SLC25A21: variants seen among roughly 807,000 people sequenced by gnomAD.
SLC25A21 encodes mitochondrial 2-oxodicarboxylate carrier.
A neutral mutation model predicts 43.8 loss-of-function variants in SLC25A21; 47 were observed. The ratio of observed to expected loss-of-function variants is 1.07; its 90% CI spans 0.85 to 1.37. The LOEUF (loss-of-function observed/expected upper bound fraction) is 1.37. Ranked by LOEUF, SLC25A21 falls within the 40% of genes most tolerant of loss-of-function variation. The pLI, the probability that SLC25A21 is intolerant of heterozygous loss-of-function variation, is 0.00. For missense variants in SLC25A21, 352 were observed against 350.2 expected, an observed-to-expected ratio of 1.00 and a Z score of -0.04; for synonymous variants, 131 against 121.3, an observed-to-expected ratio of 1.08 and a Z score of -0.52.
intron 2 of SLC25A21, among the ~76,000 whole-genome samples, chr14:36,817,373 A>G (rs1888492938): frequency 6.6e-6 from 1 of 152,210 alleles, no homozygotes; most frequent in South Asian, 2.1e-4. Context: ...CCTGGGAGTC[A>G]GAGAGTAAAT....
At position 36,796,952 on chromosome 14, in the gene SLC25A21, A is replaced by G. The variant is rs185195039; in HGVS notation, c.203+16966T>C. On this transcript the variant is annotated intron_variant, in intron 3 of 9. Transcript: ENST00000331299. ...AACCACTCCTTAGCGGCCTTTAACAAGCTGCTTACTTTTTTCCTTCTATCT... is the reference window on the plus strand; with the variant it reads ...AACCACTCCTTAGCGGCCTTTAACAGGCTGCTTACTTTTTTCCTTCTATCT... Among the ~76,000 whole-genome samples, 4 of 152,292 alleles carry G rather than the reference A, an allele frequency of 2.6e-5. No individual in the cohort carries two copies. The East Asian group carries it at 7.7e-4, about 29-fold the overall frequency.
Position 37,057,566 on chromosome 14 carries a change from AT to A in SLC25A21, c.70+114714del, listed in dbSNP as rs1347884251. On this transcript the variant is annotated intron_variant, in intron 1 of 9. Coordinates refer to ENST00000331299, the MANE Select transcript of SLC25A21 (RefSeq NM_030631.4). ...GACATTCAGCAACAGTAATAAAAAA[AT>A]AACAACTTTTAAAAAATAAATGGCT... 6.6e-5 allele frequency among the ~76,000 whole-genome samples: 10 copies of A among 152,362 alleles called. No individual in the cohort carries two copies. In the South Asian group the frequency reaches 2.1e-3, roughly 32 times the overall value.
chr14:36,990,793 AT>A lies in SLC25A21; in HGVS notation c.71-115790del, dbSNP rs1960246249. Among the ~76,000 whole-genome samples the A allele has an allele frequency of 2.6e-5, 4 of 151,910 alleles. No homozygotes were observed. In the South Asian group the frequency reaches 8.3e-4, roughly 32 times the overall value. On this transcript the variant is annotated intron_variant, in intron 1 of 9. Coordinates refer to ENST00000331299, the MANE Select transcript of SLC25A21 (RefSeq NM_030631.4). Reference sequence around the variant, plus strand: ...ATACTTGGTAGGCTGAGGTGGGAAGATTGCTTGAGCCCGGGAGGTCGAGGTT... The same window carrying A: ...ATACTTGGTAGGCTGAGGTGGGAAGATGCTTGAGCCCGGGAGGTCGAGGTT...
chr14:36,883,037 C>A (rs890233143), intron 1 of SLC25A21, among the ~76,000 whole-genome samples: 11 of 152,030 alleles, frequency 7.2e-5, no homozygotes, highest in African/African-American at 2.2e-4. Flanking sequence ...GGTAGCAGGC[C>A]CTTTACAGGT....
chr14:36,999,707 C>G (rs1960446575), intron 1 of SLC25A21, among the ~76,000 whole-genome samples: 1 of 151,692 alleles, frequency 6.6e-6, no homozygotes, highest in South Asian at 2.1e-4. Context: ...TTTTAAAAGC[C>G]TAATTATTGC....
At chr14:36,800,142 A>G (rs1204978320) in intron 3 of SLC25A21, among the ~76,000 whole-genome samples, 5 of 152,212 alleles carry the variant, frequency 3.3e-5, no homozygotes, top group South Asian at 4.2e-4. Flanking sequence ...TTTGAACATA[A>G]TTCTCATAGC....
At chr14:36,877,398 T>C (rs796859116) in intron 1 of SLC25A21, among the ~76,000 whole-genome samples, 3 of 152,342 alleles carry the variant, frequency 2.0e-5, no homozygotes, top group African/African-American at 7.2e-5. Flanking sequence ...AAACAGATAA[T>C]AGATCAGATG....
intron 1 of SLC25A21, among the ~76,000 whole-genome samples, chr14:37,170,444 T>C (rs1328338461): frequency 6.6e-6 from 1 of 152,186 alleles, no homozygotes; most frequent in Non-Finnish European, 1.5e-5. Context: ...GCTTAGGATG[T>C]TAATCAATTG....
intron 1 of SLC25A21, among the ~76,000 whole-genome samples, chr14:36,899,111 T>C (rs944292105): frequency 3.3e-5 from 5 of 152,086 alleles, no homozygotes; most frequent in Non-Finnish European, 5.9e-5. Context: ...AATTTAAGGT[T>C]GGGTATGGTG....
At chr14:36,829,744 C>CA (rs1347294249) in intron 2 of SLC25A21, among the ~76,000 whole-genome samples, 2 of 152,198 alleles carry the variant, frequency 1.3e-5, no homozygotes, top group African/African-American at 4.8e-5. Flanking sequence ...ATAAGGACAT[C>CA]ACGCAAACGT....
intron 3 of SLC25A21, among the ~76,000 whole-genome samples, chr14:36,782,912 C>CCTAATG (rs1216309605): frequency 2.0e-5 from 3 of 147,532 alleles, no homozygotes. Flanking sequence ...TGTAACTAAC[C>CCTAATG]TGCACAATGT....
intron 1 of SLC25A21, among the ~76,000 whole-genome samples, chr14:37,171,452 G>A (rs1964127442): frequency 6.6e-6 from 1 of 151,928 alleles, no homozygotes; most frequent in Non-Finnish European, 1.5e-5. Context: ...TGAAAGAATG[G>A]CTAGATTTAT....
intron 1 of SLC25A21, among the ~76,000 whole-genome samples, chr14:36,893,553 T>A (rs1324324260): frequency 6.6e-6 from 1 of 152,226 alleles, no homozygotes; most frequent in Non-Finnish European, 1.5e-5. Flanking sequence ...TTTAATTAGA[T>A]CCCATTTGTC....
chr14:36,886,486 G>C (rs1890916465), intron 1 of SLC25A21, among the ~76,000 whole-genome samples: 1 of 152,166 alleles, frequency 6.6e-6, no homozygotes. Context: ...TGTCTATAGG[G>C]AATGCAGTTT....
chr14:37,072,138 C>T (rs772071910), intron 1 of SLC25A21, among the ~76,000 whole-genome samples: 21 of 146,048 alleles, frequency 1.4e-4, no homozygotes, highest in Non-Finnish European at 2.7e-4. Context: ...GCCAAGATTG[C>T]GCCACTGCAC....
At chr14:36,753,518 T>C (rs1749937) in intron 3 of SLC25A21, among the ~76,000 whole-genome samples, 63,657 of 152,004 alleles carry the variant, frequency 0.42, 13,479 homozygotes, top group South Asian at 0.53. Flanking sequence ...TTCCTTTTCA[T>C]GTAAAGGGCA....
At chr14:36,957,770 T>G (rs1319337244) in intron 1 of SLC25A21, among the ~76,000 whole-genome samples, 2 of 152,248 alleles carry the variant, frequency 1.3e-5, no homozygotes, top group Non-Finnish European at 2.9e-5. Flanking sequence ...CCTTTCAATG[T>G]AACTCACTAT....
At chr14:36,922,406 T>C (rs1290183596) in intron 1 of SLC25A21, among the ~76,000 whole-genome samples, 2 of 151,990 alleles carry the variant, frequency 1.3e-5, no homozygotes, top group African/African-American at 4.8e-5. Flanking sequence ...CCAACCAAAG[T>C]ACTGTGGTCT....
chr14:36,712,175 G>A (rs1024676418), intron 6 of SLC25A21, among the ~76,000 whole-genome samples: 1 of 149,184 alleles, frequency 6.7e-6, no homozygotes, highest in African/African-American at 2.6e-5. Flanking sequence ...AATCCAGTCT[G>A]GCTGAAGAGC....
Sources: gnomAD v4.1 joint callset for allele counts (sites outside exome capture counted in the v4.1 genomes callset) on GRCh38, gnomAD v4.1.1 for gene constraint, MANE v1.5 for transcripts, NCBI Gene and HGNC (gene_info 2026-07-23, HGNC 2026-07-21) for gene names.